The following ITGAM variants were observed in gnomAD, a reference collection of about 807,000 sequenced individuals.
The protein encoded by ITGAM is integrin alpha-M.
Under a neutral mutation model 137.5 loss-of-function variants are expected in ITGAM, and 79 were observed. The ratio of observed to expected loss-of-function variants is 0.57; its 90% CI spans 0.48 to 0.69. The LOEUF is 0.69. Among genes scored for constraint, ITGAM ranks in the 30% least tolerant of loss-of-function variants. The pLI, the probability that ITGAM is intolerant of heterozygous loss-of-function variation, is 0.00. For synonymous variants in ITGAM, 583 were observed against 592.3 expected (o/e 0.98, Z 0.23); for missense variants, 1,343 against 1,483.5 (o/e 0.91, Z 1.56).
At chr16:31,261,944 T>C (rs528777586) in intron 2 of ITGAM, 147 bp downstream of exon 2, 75 of 602,884 alleles carry the variant, frequency 1.2e-4, no homozygotes, top group African/African-American at 1.2e-3. Flanking sequence ...TTTACAGTAT[T>C]CTAAATTCAA....
chr16:31,266,794 TG>T (rs1446980703), intron 5 of ITGAM, among the ~76,000 whole-genome samples: 4 of 151,664 alleles, frequency 2.6e-5, no homozygotes, highest in African/African-American at 9.7e-5. Flanking sequence ...GGGACCATCC[TG>T]GGGGGCGGCC....
At chr16:31,303,938 T>C (rs1321525730) in intron 14 of ITGAM, among the ~76,000 whole-genome samples, 1 of 152,222 alleles carries the variant, frequency 6.6e-6, no homozygotes, top group East Asian at 1.9e-4. Context: ...TGTTCATGTA[T>C]CTTTTTCATA....
At chr16:31,311,220 A>T (rs552067785) in intron 14 of ITGAM, among the ~76,000 whole-genome samples, 8 of 152,338 alleles carry the variant, frequency 5.3e-5, no homozygotes, top group African/African-American at 1.9e-4. Flanking sequence ...GGACATAGGC[A>T]TGGGCAAGGA....
chr16:31,298,206 A>G (rs2080158415), intron 14 of ITGAM, among the ~76,000 whole-genome samples: 1 of 140,908 alleles, frequency 7.1e-6, no homozygotes, highest in Admixed American at 7.0e-5. Context: ...CATCTCTCCA[A>G]AAAAAAAAAA....
In ITGAM at chr16:31,331,146, C is replaced by T. The variant is rs780017050; in HGVS notation, c.3277-19C>T. On this transcript the variant is annotated intron_variant, in intron 28 of 29. Coordinates refer to ENST00000544665, the MANE Select transcript of ITGAM (RefSeq NM_000632.4). ...AAATCCAGAGTCGTCTCCCCTGACG[C>T]CCCTCCTTCCTCCCCCAGACGGAGA... The T allele has an allele frequency of 7.3e-7, 1 of 1,375,232 alleles. No individual in the cohort carries two copies. The highest frequency in any genetic ancestry group is 1.2e-5 in the South Asian group (1 of 84,880). The allele number at this position is 1,375,232 out of a possible 1,614,324, so 85.2% of individuals were successfully genotyped here. A position where few individuals can be genotyped will look rare whatever the true frequency, so the allele number is the denominator to read the frequency against.
chr16:31,321,630 G>C lies in ITGAM; in HGVS notation c.2002+3G>C. ...CACACGGGATCGGCTAAGAGAAGGT[G>C]AGGCTTGGTGGATGAGTCTCAAGAG... On this transcript the variant is annotated splice_donor_region_variant and intron_variant, in intron 16 of 29. Coordinates refer to ENST00000544665, the MANE Select transcript of ITGAM (RefSeq NM_000632.4). The C allele has an allele frequency of 6.2e-7, 1 of 1,613,136 alleles. No homozygotes were observed. Among genetic ancestry groups the C allele is most frequent in the Non-Finnish European group, 8.5e-7 (1 of 1,179,494 alleles).
intron 14 of ITGAM, among the ~76,000 whole-genome samples, chr16:31,306,547 C>T (rs1018820269): frequency 2.7e-5 from 4 of 150,900 alleles, no homozygotes; most frequent in Non-Finnish European, 4.4e-5. Context: ...AGAATTTTGC[C>T]CTGTTGCCCA....
At chr16:31,286,453 A>G (rs2080030359) in intron 12 of ITGAM, among the ~76,000 whole-genome samples, 1 of 152,148 alleles carries the variant, frequency 6.6e-6, no homozygotes, top group African/African-American at 2.4e-5. Context: ...ACTAATTTAC[A>G]TTCCCACCAG....
chr16:31,302,996 C>A (rs1238599407), intron 14 of ITGAM, among the ~76,000 whole-genome samples: 1 of 92,476 alleles, frequency 1.1e-5, no homozygotes, highest in Non-Finnish European at 2.2e-5. Context: ...TTCTTTCTTT[C>A]TTTTTCTTTC....
chr16:31,323,223 G>C (rs1331818541), intron 16 of ITGAM, among the ~76,000 whole-genome samples: 1 of 152,030 alleles, frequency 6.6e-6, no homozygotes, highest in Non-Finnish European at 1.5e-5. Context: ...CCTGAGGTCA[G>C]GAGTTTGAGA....
chr16:31,329,617 G>T (rs1433669625), intron 24 of ITGAM, among the ~76,000 whole-genome samples, 181 bp from the exon 25 acceptor site: 1 of 152,166 alleles, frequency 6.6e-6, no homozygotes, highest in Non-Finnish European at 1.5e-5. Flanking sequence ...AAGTGGGAGA[G>T]CTAGGACTGG....
intron 6 of ITGAM, 89 bp from the exon 7 acceptor site, chr16:31,271,758 A>G: frequency 2.7e-6 from 4 of 1,483,982 alleles, no homozygotes; most frequent in Non-Finnish European, 2.8e-6. Context: ...TGGAGAGTGG[A>G]GTGTTTAAGA....
chr16:31,325,988 C>T (rs772413450), intron 21 of ITGAM, among the ~76,000 whole-genome samples: 23 of 152,022 alleles, frequency 1.5e-4, no homozygotes, highest in Non-Finnish European at 3.1e-4. Flanking sequence ...ATCGTCTGGG[C>T]CTGGGAGGTT....
chr16:31,302,479 CTTTCTTT>C (rs1567268105), intron 14 of ITGAM, among the ~76,000 whole-genome samples: 10 of 81,932 alleles, frequency 1.2e-4, no homozygotes, highest in African/African-American at 6.5e-4. Flanking sequence ...TTCTTTCTTT[CTTTCTTT>C]TTTCTTTCCT....
Position 31,265,421 on chromosome 16 carries a change from T to G in ITGAM, c.161T>G (p.Ile54Arg). The change falls in exon 3 of 30, where the codon ATA becomes AGA. Residue 54 changes from isoleucine (I) to arginine (R), a missense_variant. Physicochemically the swap from Ile to Arg is moderately conservative, Grantham distance 97 (BLOSUM62 -3). Transcript: ENST00000544665. ...SRVVVGAPQE[I>R]VAANQRGSLY... The stretch of plus-strand genomic sequence containing the variant: ...GTGGTGGTTGGAGCCCCCCAGGAGA[T>G]AGTGGCTGCCAACCAAAGGGGCAGC... 6.2e-7 allele frequency: 1 copy of G among 1,606,556 alleles called. No homozygotes were observed. The highest frequency in any genetic ancestry group is 1.1e-5 in the South Asian group (1 of 89,674).
chr16:31,319,426 A>G (rs2080424720), intron 14 of ITGAM, among the ~76,000 whole-genome samples: 1 of 152,144 alleles, frequency 6.6e-6, no homozygotes, highest in African/African-American at 2.4e-5. Flanking sequence ...ATCATTATAT[A>G]ATATCATTAT....
At position 31,260,188 on chromosome 16, in the gene ITGAM, G is replaced by A; in HGVS notation, c.28+96G>A. On this transcript the variant is annotated intron_variant, in intron 1 of 29. Transcript: ENST00000544665. The stretch of plus-strand genomic sequence containing the variant: ...GCCCAGAATATGTAGGAGTCAGTCT[G>A]GGGAGAGGCAAAGGGGATTTGGGGA... 4.6e-6 allele frequency: 4 copies of A among 872,740 alleles called. No individual in the cohort carries two copies. In the South Asian group the frequency reaches 6.8e-5, roughly 15 times the overall value. 54.1% of individuals were successfully genotyped at this position (872,740 alleles called of 1,614,324 possible). A position where few individuals can be genotyped will look rare whatever the true frequency, so the allele number is the denominator to read the frequency against.
rs538193323 is a variant in ITGAM at position 31,329,803 on chromosome 16, C to G, written c.2874C>G (p.Ser958Arg). 56 of 1,554,134 alleles carry G rather than the reference C, an allele frequency of 3.6e-5. No homozygotes were observed. The African/African-American group carries it at 7.2e-4, about 20-fold the overall frequency. The change falls in exon 25 of 30, where the codon AGC becomes AGG. Residue 958 changes from serine (S) to arginine (R), a missense_variant. By Grantham distance (110) the Ser-to-Arg change is moderately radical. Transcript: ENST00000544665. ...SRVMQHQYQV[S>R]NLGQRSLPIS... ...CCCCGCCCTCCCCGGTGCAGGTCAG[C>G]AACCTGGGGCAGAGGAGCCTCCCCA...
At chr16:31,315,197 G>T (rs1214335775) in intron 14 of ITGAM, among the ~76,000 whole-genome samples, 2 of 152,012 alleles carry the variant, frequency 1.3e-5, no homozygotes, top group Admixed American at 6.6e-5. Flanking sequence ...TTTATCAGTT[G>T]TGTGGTTTGC....
Sources: allele counts gnomAD v4.1 joint callset (sites outside exome capture counted in the v4.1 genomes callset), GRCh38; gene constraint gnomAD v4.1.1; transcripts MANE v1.5; gene names NCBI Gene and HGNC (gene_info 2026-07-23, HGNC 2026-07-21).